Variants in CD8B observed in about 807,000 individuals in gnomAD.
CD8B encodes CD8 subunit beta.
Under a neutral mutation model 24.2 loss-of-function variants are expected in CD8B, and 6 were observed. The observed-to-expected ratio is 0.25, with a 90% confidence interval of 0.14 to 0.49. CD8B has a LOEUF of 0.49. CD8B is among the 20% of genes least tolerant of loss of function. CD8B has a pLI of 0.98. For missense variants in CD8B, 196 were observed against 271.3 expected (o/e 0.72, Z 1.95); for synonymous variants, 84 against 108.3 (o/e 0.78, Z 1.39).
At chr2:86,835,720 G>T (rs56016906), downstream of CD8B, among the ~76,000 whole-genome samples, 1 of 125,186 alleles carries the variant, frequency 8.0e-6, no homozygotes, top group Non-Finnish European at 1.8e-5. Context: ...TCACCCAACC[G>T]CAGAGACCTC....
rs117448899 is a variant in CD8B at position 86,822,320 on chromosome 2, C to T, written c.621-6602G>A. 9.8e-4 allele frequency: 1,516 copies of T among 1,549,590 alleles called. 39 individuals carry two copies. The East Asian group carries it at 0.032, about 32-fold the overall frequency. On this transcript the variant is annotated intron_variant, in intron 5 of 5. Transcript: ENST00000331469. ...ATCAGAAGCTATCAAAATGTTTATA[C>T]CTGTATATTCAGTAGTCCATTCTGG...
Position 86,838,590 on chromosome 2 carries a change from C to T in CD8B, c.*3717G>A, listed in dbSNP as rs1675280978. Reference sequence around the variant, plus strand: ...CACAGCTCACTGCAGTCTGAAACTCCTGGGGTCAGGAGATCCTCCCACCTC... The same window carrying T: ...CACAGCTCACTGCAGTCTGAAACTCTTGGGGTCAGGAGATCCTCCCACCTC... On this transcript the variant is annotated 3_prime_UTR_variant, in exon 6 of 6. Transcript: ENST00000390655. 6.6e-6 allele frequency among the ~76,000 whole-genome samples: 1 copy of T among 152,122 alleles called. No homozygotes were observed. Among genetic ancestry groups the T allele is most frequent in the Non-Finnish European group, 1.5e-5 (1 of 68,028 alleles).
chr2:86,850,961 G>A (rs1190888862), intron 3 of CD8B, among the ~76,000 whole-genome samples: 2 of 151,940 alleles, frequency 1.3e-5, no homozygotes, highest in Admixed American at 6.6e-5. Flanking sequence ...CGTGGTGGTG[G>A]GCACCTGTAA....
chr2:86,827,299 A>G (rs1181502824), intron 5 of CD8B, among the ~76,000 whole-genome samples: 1 of 151,192 alleles, frequency 6.6e-6, no homozygotes, highest in African/African-American at 2.4e-5. Flanking sequence ...GCTTGCCCTG[A>G]GAGTTCGGGT....
intron 2 of CD8B, among the ~76,000 whole-genome samples, chr2:86,854,384 T>C (rs954620051): frequency 1.3e-5 from 2 of 152,158 alleles, no homozygotes; most frequent in Non-Finnish European, 2.9e-5. Flanking sequence ...TGGTTTTCCT[T>C]CTCAGATGGC....
At chr2:86,828,922 C>T (rs1674794777) in intron 5 of CD8B, among the ~76,000 whole-genome samples, 1 of 142,734 alleles carries the variant, frequency 7.0e-6, no homozygotes, top group South Asian at 2.2e-4. Flanking sequence ...TATACATACA[C>T]ACTCTTTTTT....
intron 2 of CD8B, among the ~76,000 whole-genome samples, chr2:86,856,704 A>G (rs1268178527): frequency 1.3e-5 from 2 of 151,998 alleles, no homozygotes; most frequent in African/African-American, 4.8e-5. Flanking sequence ...AGCCAGAGCC[A>G]GGCTGTGAGA....
At chr2:86,816,874 T>G (rs1419932142) in intron 5 of CD8B, among the ~76,000 whole-genome samples, 1 of 152,234 alleles carries the variant, frequency 6.6e-6, no homozygotes, top group Non-Finnish European at 1.5e-5. Context: ...TTGTTTAAAG[T>G]ATGCAGGGCA....
chr2:86,845,418 A>G (rs1675629797), intron 4 of CD8B, among the ~76,000 whole-genome samples: 1 of 152,024 alleles, frequency 6.6e-6, no homozygotes, highest in African/African-American at 2.4e-5. Context: ...AGAAAATAAA[A>G]GCATGTCTAT....
rs954817750 is a variant in CD8B at position 86,840,531 on chromosome 2, C to T, written c.*1776G>A. On this transcript the variant is annotated 3_prime_UTR_variant, in exon 6 of 6. Coordinates refer to ENST00000390655, the MANE Select transcript of CD8B (RefSeq NM_004931.5). The stretch of plus-strand genomic sequence containing the variant: ...ACCTCAGCCTTTCATTAGCCATGGA[C>T]CAAATCCTTCACCCAGATAAGGGGT... Among the ~76,000 whole-genome samples, 5 of 152,164 alleles carry T rather than the reference C, an allele frequency of 3.3e-5. No individual in the cohort carries two copies. Among genetic ancestry groups the T allele is most frequent in the African/African-American group, 9.7e-5 (4 of 41,438 alleles).
At chr2:86,852,897 T>A in intron 3 of CD8B, 100 bp downstream of exon 3, 2 of 1,441,048 alleles carry the variant, frequency 1.4e-6, no homozygotes, top group Non-Finnish European at 1.9e-6. Flanking sequence ...GGCTCTAGAG[T>A]TGACACTTGG....
Position 86,841,487 on chromosome 2 carries a change from A to G in CD8B, c.*820T>C. ...AAATGAGGATCTCAGGTGCAAAAGG[A>G]GGATGTACAAATTTTCTCCTTCTGG... On this transcript the variant is annotated 3_prime_UTR_variant, in exon 6 of 6. Coordinates refer to ENST00000390655, the MANE Select transcript of CD8B (RefSeq NM_004931.5). 1.8e-6 allele frequency: 1 copy of G among 566,562 alleles called. No homozygotes were observed. 35.1% of individuals were successfully genotyped at this position (566,562 alleles called of 1,614,324 possible).
downstream of CD8B, among the ~76,000 whole-genome samples, chr2:86,834,065 T>C (rs57266677): frequency 0.32 from 49,299 of 152,060 alleles, 8,465 homozygotes; most frequent in Non-Finnish European, 0.39. Context: ...CCCATTTTTA[T>C]TTTGCCCAAA....
chr2:86,815,691 G>T, exon 6 of CD8B: 1 of 1,611,238 alleles, frequency 6.2e-7, no homozygotes, highest in Non-Finnish European at 8.5e-7. Context: ...GGGGGACAAA[G>T]GTTCCTGATA....
At chr2:86,843,182 T>A (rs1252403900) in intron 5 of CD8B, among the ~76,000 whole-genome samples, 1 of 152,160 alleles carries the variant, frequency 6.6e-6, no homozygotes, top group Non-Finnish European at 1.5e-5. Flanking sequence ...AACCTCTGCC[T>A]CCGGGGTTCA....
chr2:86,825,972 C>T (rs1322362061), intron 5 of CD8B, among the ~76,000 whole-genome samples: 1 of 152,104 alleles, frequency 6.6e-6, no homozygotes, highest in Non-Finnish European at 1.5e-5. Context: ...CAGACCTCCG[C>T]CACTGGAGCT....
intron 5 of CD8B, chr2:86,843,543 AG>A (rs1171314579): frequency 1.0e-6 from 1 of 982,466 alleles, no homozygotes; most frequent in African/African-American, 1.7e-5. Context: ...AAAATCCAGC[AG>A]GCATGTTTAA....
chr2:86,833,602 C>T (rs922889307), downstream of CD8B, among the ~76,000 whole-genome samples: 22 of 124,742 alleles, frequency 1.8e-4, no homozygotes, highest in Non-Finnish European at 3.4e-4. Context: ...CTTTCCCCTC[C>T]GCCCATTTCT....
chr2:86,838,090 T>A (rs984245230), downstream of CD8B, among the ~76,000 whole-genome samples: 38 of 152,388 alleles, frequency 2.5e-4, no homozygotes, highest in African/African-American at 5.0e-4. Context: ...CAGATTTTTT[T>A]AATTTATGAA....
Sources: gnomAD v4.1 joint callset for allele counts (sites outside exome capture counted in the v4.1 genomes callset) on GRCh38, gnomAD v4.1.1 for gene constraint, MANE v1.5 for transcripts, NCBI Gene and HGNC (gene_info 2026-07-23, HGNC 2026-07-21) for gene names.